Variants in EDC3 observed in about 807,000 individuals in gnomAD.
EDC3 encodes enhancer of mRNA decapping 3.
A neutral mutation model predicts 41.8 loss-of-function variants in EDC3; 20 were observed. The observed-to-expected ratio is 0.48, with a 90% CI of 0.34 to 0.70. The LOEUF is 0.70. EDC3 is among the 30% of genes least tolerant of loss of function. The pLI, the probability that EDC3 is intolerant of heterozygous loss-of-function variation, is 0.01. For missense variants in EDC3, 444 were observed against 636.8 expected (o/e 0.70, Z 3.26); for synonymous variants, 206 against 243.2 (o/e 0.85, Z 1.42).
intron 3 of EDC3, among the ~76,000 whole-genome samples, chr15:74,663,283 G>A (rs919227734): frequency 1.6e-4 from 24 of 151,826 alleles, no homozygotes; most frequent in African/African-American, 5.3e-4. Flanking sequence ...GCAAGACTCC[G>A]TCTCAAAAAA....
At position 74,671,770 on chromosome 15, in the gene EDC3, C is replaced by T. The variant is rs1362325181; in HGVS notation, c.169G>A (p.Gly57Ser). ...AGAATTTTTAACTCCGTAATGTCAC[C>T]TGCCCTGAAATACACAAAAAAGCCA... ...CLVPEVTFRA[G>S]DITELKILEI... The change falls in exon 3 of 7, where the codon GGT becomes AGT. Residue 57 changes from glycine (G) to serine (S), a missense_variant. This residue lies in a region of EDC3 where 200 missense variants were observed against 244.0 expected (regional missense o/e 0.82). Transcript: ENST00000315127. The surrounding 1 kb of genome is among the most constrained non-coding windows in gnomAD (Gnocchi z 4.6). 7.4e-6 allele frequency: 12 copies of T among 1,613,442 alleles called. No homozygotes were observed. Among genetic ancestry groups the T allele is most frequent in the Non-Finnish European group, 1.0e-5 (12 of 1,179,472 alleles).
At chr15:74,677,907 C>T (rs1448059274) in intron 1 of EDC3, among the ~76,000 whole-genome samples, 1 of 151,906 alleles carries the variant, frequency 6.6e-6, no homozygotes, top group East Asian at 1.9e-4. Flanking sequence ...GAATACTATT[C>T]AGCACAAAAA....
intron 1 of EDC3, among the ~76,000 whole-genome samples, chr15:74,692,010 G>A (rs945199943): frequency 3.9e-5 from 6 of 152,002 alleles, no homozygotes; most frequent in African/African-American, 1.5e-4. Context: ...TAGTAGAGGC[G>A]GGGTTTCACT....
intron 5 of EDC3, chr15:74,636,023 C>T (rs1019919317): frequency 9.2e-5 from 18 of 194,614 alleles, no homozygotes; most frequent in Non-Finnish European, 1.8e-4. Flanking sequence ...AGGCTCTTTC[C>T]TGCTTATGCT....
chr15:74,679,689 G>A (rs1443244865), intron 1 of EDC3: 1 of 150,506 alleles, frequency 6.6e-6, no homozygotes. Flanking sequence ...AGAGGCCAAG[G>A]TGGGAGGATA....
intron 3 of EDC3, among the ~76,000 whole-genome samples, chr15:74,660,928 G>C (rs192562283): frequency 6.6e-6 from 1 of 152,078 alleles, no homozygotes; most frequent in South Asian, 2.1e-4. Flanking sequence ...TCCATAACAA[G>C]AAGTCTATCC....
At chr15:74,665,405 T>C (rs544560967) in intron 3 of EDC3, among the ~76,000 whole-genome samples, 1 of 152,346 alleles carries the variant, frequency 6.6e-6, no homozygotes, top group Admixed American at 6.5e-5. Context: ...CATGTTACAA[T>C]GACTATTCAA....
chr15:74,664,653 T>C (rs972500731), intron 3 of EDC3, among the ~76,000 whole-genome samples: 2 of 152,240 alleles, frequency 1.3e-5, no homozygotes, highest in African/African-American at 4.8e-5. Flanking sequence ...AGAAGGTGCC[T>C]GAGAATATAT....
In EDC3 at chr15:74,634,714, C is replaced by G. The variant is rs547340690; in HGVS notation, c.1192+695G>C. Among the ~76,000 whole-genome samples, 61 of 152,256 alleles carry G rather than the reference C, an allele frequency of 4.0e-4. No individual in the cohort carries two copies. The South Asian group carries it at 0.012, about 30-fold the overall frequency. On this transcript the variant is annotated intron_variant, in intron 6 of 6. Coordinates refer to ENST00000315127, the MANE Select transcript of EDC3 (RefSeq NM_025083.5). ...TCTCCAAAACTGATTTAGAAACTAACTACCTTCACCACCTCTGGCACTACC... is the reference window on the plus strand; with the variant it reads ...TCTCCAAAACTGATTTAGAAACTAAGTACCTTCACCACCTCTGGCACTACC...
At chr15:74,633,485 G>A (rs977306563) in intron 6 of EDC3, among the ~76,000 whole-genome samples, 1 of 152,066 alleles carries the variant, frequency 6.6e-6, no homozygotes, top group Non-Finnish European at 1.5e-5. Flanking sequence ...GTCCCCTCTC[G>A]TACTCATTAT....
At chr15:74,668,421 T>C (rs771482340) in intron 3 of EDC3, among the ~76,000 whole-genome samples, 3 of 152,214 alleles carry the variant, frequency 2.0e-5, no homozygotes, top group Non-Finnish European at 2.9e-5. Context: ...AAAAATAATA[T>C]GAATTGCTAA....
At chr15:74,693,688 G>C (rs564831541) in intron 1 of EDC3, among the ~76,000 whole-genome samples, 2 of 152,010 alleles carry the variant, frequency 1.3e-5, no homozygotes, top group Non-Finnish European at 2.9e-5. Flanking sequence ...CTCAGTTATA[G>C]TAAGACTCAG....
intron 6 of EDC3, chr15:74,635,086 C>G: frequency 1.9e-6 from 1 of 539,308 alleles, no homozygotes; most frequent in Non-Finnish European, 3.6e-6. Flanking sequence ...TCTTTTTGTT[C>G]CTCCTAACCA....
chr15:74,679,380 T>G (rs1325182717), intron 1 of EDC3, among the ~76,000 whole-genome samples: 1 of 152,076 alleles, frequency 6.6e-6, no homozygotes, highest in East Asian at 1.9e-4. Context: ...ATTTTAAAAG[T>G]CTAATATATC....
intron 4 of EDC3, among the ~76,000 whole-genome samples, chr15:74,653,506 C>T (rs1220047103): frequency 6.6e-6 from 1 of 152,126 alleles, no homozygotes; most frequent in Non-Finnish European, 1.5e-5. Context: ...ATTTCCAGCA[C>T]AGACGCTGCT....
chr15:74,679,211 A>G (rs1364736855), intron 1 of EDC3, among the ~76,000 whole-genome samples: 1 of 152,036 alleles, frequency 6.6e-6, no homozygotes, highest in Non-Finnish European at 1.5e-5. Context: ...TAAAAATTAA[A>G]AAAAAGAAAG....
chr15:74,680,123 G>T (rs773548235), intron 1 of EDC3, among the ~76,000 whole-genome samples: 1 of 151,428 alleles, frequency 6.6e-6, no homozygotes, highest in African/African-American at 2.4e-5. Flanking sequence ...TTAGCCAGGC[G>T]TGGTGGCGTG....
At chr15:74,650,952 T>C (rs1449548851) in intron 4 of EDC3, among the ~76,000 whole-genome samples, 1 of 152,140 alleles carries the variant, frequency 6.6e-6, no homozygotes, top group East Asian at 1.9e-4. Context: ...GAGCTGATAC[T>C]GCACTACTGC....
chr15:74,671,707 C>G lies in EDC3; in HGVS notation c.232G>C (p.Asp78His). 2.5e-6 allele frequency: 4 copies of G among 1,614,178 alleles called. No individual in the cohort carries two copies. The highest frequency in any genetic ancestry group is 3.4e-6 in the Non-Finnish European group (4 of 1,180,036). Residue 78 changes from aspartate to histidine, a missense_variant, in exon 3 of 7, where the codon GAC becomes CAC. By Grantham distance (81) the Asp-to-His change is moderately conservative (BLOSUM62 -1). Transcript: ENST00000315127. The surrounding 1 kb of genome is among the most constrained non-coding windows in gnomAD (Gnocchi z 4.6). Reference sequence around the variant, plus strand: ...GGGCCTAATTCTGTTTGATGAAGGTCTCCAAAATGTTGGTTGTCTCCAGGT... The same window carrying G: ...GGGCCTAATTCTGTTTGATGAAGGTGTCCAAAATGTTGGTTGTCTCCAGGT... ...PGPGDNQHFG[D>H]LHQTELGPSG...
Sources: allele counts gnomAD v4.1 joint callset (sites outside exome capture counted in the v4.1 genomes callset), GRCh38; gene constraint gnomAD v4.1.1; regional missense constraint gnomAD v4.1.1; non-coding constraint Gnocchi (gnomAD v3.1); transcripts MANE v1.5; gene names NCBI Gene and HGNC (gene_info 2026-07-23, HGNC 2026-07-21).